The following KDM4C variants were observed in gnomAD, a reference collection of about 807,000 sequenced individuals.
KDM4C encodes the protein lysine demethylase 4C, also known as lysine-specific demethylase 4C.
Under a neutral mutation model 129.3 loss-of-function variants are expected in KDM4C, and 81 were observed. That is an observed-to-expected ratio of 0.63 (90% CI 0.52 to 0.75). The LOEUF is 0.75. Among genes scored for constraint, KDM4C ranks in the 30% least tolerant of loss-of-function variants. The pLI is 0.00. For synonymous variants in KDM4C, 573 were observed against 456.1 expected (o/e 1.26, Z -3.26); for missense variants, 1,457 against 1,304.0 (o/e 1.12, Z -1.81).
At chr9:6,721,722 G>A (rs1260980471) in intron 1 of KDM4C, among the ~76,000 whole-genome samples, 1 of 151,896 alleles carries the variant, frequency 6.6e-6, no homozygotes, top group Non-Finnish European at 1.5e-5. Context: ...CTGAGTAGCT[G>A]GGATTACAGG....
At chr9:6,796,410 C>A (rs1588321713) in intron 2 of KDM4C, among the ~76,000 whole-genome samples, 1 of 152,162 alleles carries the variant, frequency 6.6e-6, no homozygotes, top group Non-Finnish European at 1.5e-5. Flanking sequence ...CATCTCTTCT[C>A]TTCTCTGGGC....
At chr9:7,145,011 T>C (rs1277927662) in intron 19 of KDM4C, among the ~76,000 whole-genome samples, 2 of 152,168 alleles carry the variant, frequency 1.3e-5, no homozygotes, top group African/African-American at 4.8e-5. Flanking sequence ...TGCATTTTGC[T>C]TCACCCCTTT....
chr9:7,032,205 G>T (rs1459951937), intron 15 of KDM4C, among the ~76,000 whole-genome samples: 1 of 152,202 alleles, frequency 6.6e-6, no homozygotes, highest in East Asian at 1.9e-4. Context: ...AATTCCTGTA[G>T]ATGGAGGCAC....
chr9:7,072,570 A>G (rs1425828642), intron 17 of KDM4C, among the ~76,000 whole-genome samples: 1 of 152,196 alleles, frequency 6.6e-6, no homozygotes, highest in Non-Finnish European at 1.5e-5. Flanking sequence ...CTGTAAAAGC[A>G]AAACACACAA....
At chr9:6,835,088 AG>A in intron 4 of KDM4C, 1 of 995,550 alleles carries the variant, frequency 1.0e-6, no homozygotes, top group Non-Finnish European at 1.6e-6. Context: ...CGTGACATCA[AG>A]GAGAAGCTGT....
chr9:6,986,317 AT>A, intron 10 of KDM4C, 26 bp from the exon 11 acceptor site: 2 of 1,507,250 alleles, frequency 1.3e-6, no homozygotes, highest in South Asian at 2.4e-5. Flanking sequence ...TGCATGATTT[AT>A]TAACAGTCTT....
intron 8 of KDM4C, among the ~76,000 whole-genome samples, chr9:6,958,589 A>G (rs1458469073): frequency 1.3e-5 from 2 of 152,110 alleles, no homozygotes; most frequent in East Asian, 1.9e-4. Context: ...TCTGTCTGAA[A>G]AAAAAAAAAT....
chr9:7,115,673 T>C lies in KDM4C; in HGVS notation c.2610+11803T>C, dbSNP rs116364447. Among the ~76,000 whole-genome samples the C allele has an allele frequency of 3.7e-3, 557 of 152,318 alleles. 3 individuals carry two copies. The highest frequency in any genetic ancestry group is 0.013 in the African/African-American group (534 of 41,576). On this transcript the variant is annotated intron_variant, in intron 18 of 21. Transcript: ENST00000381309. ...AGAAAAGGCAATTAAATGAAATAAC[T>C]TCCAATATTTCTAACTAAAAGGCTA...
At chr9:7,075,690 TTATAAAC>T (rs1833827231) in intron 17 of KDM4C, among the ~76,000 whole-genome samples, 1 of 152,150 alleles carries the variant, frequency 6.6e-6, no homozygotes, top group African/African-American at 2.4e-5. Flanking sequence ...CCTCTTTTCT[TTATAAAC>T]TACCCAATCT....
rs149152425 is a variant in KDM4C at position 6,990,487 on chromosome 9, G to A, written c.1749G>A (p.Pro583=). 122 of 1,612,636 alleles carry A rather than the reference G, an allele frequency of 7.6e-5. No individual in the cohort carries two copies. The highest frequency in any genetic ancestry group is 9.7e-5 in the Non-Finnish European group (115 of 1,179,640). Residue 583 remains proline, a synonymous_variant, in exon 12 of 22, where the codon CCG becomes CCA. Coordinates refer to ENST00000381309, the MANE Select transcript of KDM4C (RefSeq NM_015061.6). ...TTAGCAGGCCTCCAGCAAGATCTCC[G>A]ATGACTCTTGTGAAGCAGCAGGCGC... ...HPLSRPPARS[P]MTLVKQQAPS...
intron 19 of KDM4C, among the ~76,000 whole-genome samples, chr9:7,152,588 G>C (rs541765376): frequency 4.6e-5 from 7 of 152,330 alleles, no homozygotes; most frequent in African/African-American, 1.2e-4. Flanking sequence ...CAGAGTTTCT[G>C]TTTGGGAAGA....
chr9:6,919,831 C>G (rs941014735), intron 8 of KDM4C, among the ~76,000 whole-genome samples: 6 of 151,740 alleles, frequency 4.0e-5, no homozygotes, highest in Non-Finnish European at 7.4e-5. Context: ...TGCCTTGGCC[C>G]CCCAAAGTGC....
intron 12 of KDM4C, among the ~76,000 whole-genome samples, chr9:7,005,789 A>G (rs866542771): frequency 6.6e-6 from 1 of 152,152 alleles, no homozygotes; most frequent in African/African-American, 2.4e-5. Context: ...ACATTTAACT[A>G]ATCTTGTACT....
rs1166660067 is a variant in KDM4C, at chr9:6,740,846, G to C, written c.49+19849G>C. Among the ~76,000 whole-genome samples the C allele has an allele frequency of 2.7e-5, 4 of 147,782 alleles. No individual in the cohort carries two copies. The East Asian group carries it at 8.2e-4, about 30-fold the overall frequency. Reference sequence around the variant, plus strand: ...TAGTATAATTATTTTCTTTTTTTTTGAGACGGAGTCTCACTCTGTTGTCCA... The same window carrying C: ...TAGTATAATTATTTTCTTTTTTTTTCAGACGGAGTCTCACTCTGTTGTCCA... On this transcript the variant is annotated intron_variant, in intron 1 of 17. Coordinates refer to the KDM4C transcript ENST00000536108.
chr9:6,923,433 A>C (rs753115219), intron 8 of KDM4C, among the ~76,000 whole-genome samples: 14 of 152,164 alleles, frequency 9.2e-5, no homozygotes, highest in South Asian at 6.2e-4. Context: ...GCGCAGCTTG[A>C]ATTTTAAGAT....
At chr9:6,757,464 G>A (rs1461616859), upstream of KDM4C, among the ~76,000 whole-genome samples, 1 of 152,236 alleles carries the variant, frequency 6.6e-6, no homozygotes, top group East Asian at 1.9e-4. Context: ...CGCCTATTCG[G>A]GATCTCCCAT....
At chr9:6,922,317 T>G (rs1351754210) in intron 8 of KDM4C, among the ~76,000 whole-genome samples, 3 of 152,272 alleles carry the variant, frequency 2.0e-5, no homozygotes, top group Non-Finnish European at 4.4e-5. Context: ...ATGTGCATAG[T>G]ACTATCATGG....
intron 19 of KDM4C, among the ~76,000 whole-genome samples, chr9:7,156,780 A>G (rs10758840): frequency 0.85 from 129,685 of 152,146 alleles, 55,605 homozygotes; most frequent in African/African-American, 0.93. Context: ...TTGAAGTCAG[A>G]TAGCGTGATG....
chr9:6,905,367 A>G (rs992310395), intron 8 of KDM4C, among the ~76,000 whole-genome samples: 4 of 152,176 alleles, frequency 2.6e-5, no homozygotes, highest in African/African-American at 9.6e-5. Context: ...AACTGACTCT[A>G]CCAAGTGTTG....
Sources: gnomAD v4.1 joint callset for allele counts (sites outside exome capture counted in the v4.1 genomes callset) on GRCh38, gnomAD v4.1.1 for gene constraint, MANE v1.5 for transcripts, NCBI Gene and HGNC (gene_info 2026-07-23, HGNC 2026-07-21) for gene names.